LEF1: variants seen among roughly 807,000 people sequenced by gnomAD.
LEF1 encodes lymphoid enhancer binding factor 1, also known as lymphoid enhancer-binding factor 1.
A neutral mutation model predicts 51.2 loss-of-function variants in LEF1; 14 were observed. The ratio of observed to expected loss-of-function variants is 0.27; its 90% CI spans 0.18 to 0.43. The LOEUF is 0.43. Among genes scored for constraint, LEF1 ranks in the 20% least tolerant of loss-of-function variants. The pLI is 1.00. For missense variants in LEF1, 386 were observed against 512.0 expected (o/e 0.75, Z 2.37); for synonymous variants, 185 against 183.2 (o/e 1.01, Z -0.08).
chr4:108,134,070 C>T lies in LEF1; in HGVS notation c.414+29498G>A, dbSNP rs759978988. ...CCATCATCAAACACATTTGTATTTTCGCAGTGAAGCATATAAATATTCACA... is the reference window on the plus strand; with the variant it reads ...CCATCATCAAACACATTTGTATTTTTGCAGTGAAGCATATAAATATTCACA... On this transcript the variant is annotated intron_variant, in intron 3 of 11. Transcript: ENST00000265165. Among the ~76,000 whole-genome samples, 11 of 151,798 alleles carry T rather than the reference C, an allele frequency of 7.2e-5. No individual in the cohort carries two copies. The South Asian group carries it at 1.0e-3, about 14-fold the overall frequency.
intron 8 of LEF1, among the ~76,000 whole-genome samples, chr4:108,074,895 G>A (rs1738743513): frequency 6.6e-6 from 1 of 152,210 alleles, no homozygotes; most frequent in Non-Finnish European, 1.5e-5. Flanking sequence ...GTATTCAGCA[G>A]GAAAGTAATT....
intron 3 of LEF1, among the ~76,000 whole-genome samples, chr4:108,138,506 TACACAC>T (rs79489271): frequency 1.3e-5 from 2 of 150,276 alleles, no homozygotes; most frequent in African/African-American, 2.4e-5. Flanking sequence ...TGTGTGTGTA[TACACAC>T]ACACACACAC....
At chr4:108,114,680 C>A (rs1741727572) in intron 3 of LEF1, among the ~76,000 whole-genome samples, 1 of 152,168 alleles carries the variant, frequency 6.6e-6, no homozygotes, top group African/African-American at 2.4e-5. Flanking sequence ...CACGAAAATA[C>A]TGTGAGCAGC....
intron 9 of LEF1, 81 bp downstream of exon 9, chr4:108,070,581 CA>C: frequency 1.1e-6 from 1 of 881,126 alleles, no homozygotes; most frequent in South Asian, 1.5e-5. Context: ...GCATTATATA[CA>C]CCTAAAACAC....
At chr4:108,145,440 G>A (rs1743940110) in intron 3 of LEF1, among the ~76,000 whole-genome samples, 1 of 152,044 alleles carries the variant, frequency 6.6e-6, no homozygotes. Flanking sequence ...ATATAGTTCA[G>A]GTATATAATT....
At chr4:108,149,081 T>C (rs531900596) in intron 3 of LEF1, among the ~76,000 whole-genome samples, 5 of 152,328 alleles carry the variant, frequency 3.3e-5, no homozygotes, top group African/African-American at 1.2e-4. Flanking sequence ...CATTATTTCA[T>C]GAATAGTTTG....
chr4:108,059,852 C>T (rs946923275), intron 11 of LEF1, among the ~76,000 whole-genome samples: 27 of 152,024 alleles, frequency 1.8e-4, no homozygotes, highest in African/African-American at 6.0e-4. Context: ...CACCACCGCA[C>T]GCAGCTAATT....
chr4:108,093,252 C>T (rs1740168830), intron 3 of LEF1, among the ~76,000 whole-genome samples: 1 of 152,144 alleles, frequency 6.6e-6, no homozygotes, highest in Non-Finnish European at 1.5e-5. Context: ...ACCCCCTGGG[C>T]TGCCCAATAC....
At chr4:108,131,672 G>A (rs1352940957) in intron 3 of LEF1, among the ~76,000 whole-genome samples, 2 of 152,116 alleles carry the variant, frequency 1.3e-5, no homozygotes, top group African/African-American at 4.8e-5. Flanking sequence ...GCACAATTAT[G>A]GCTTCTATGA....
At chr4:108,057,262 C>T (rs1737366920) in intron 11 of LEF1, among the ~76,000 whole-genome samples, 1 of 152,104 alleles carries the variant, frequency 6.6e-6, no homozygotes. Context: ...TTGGACAAGA[C>T]TTAAGAGTTC....
chr4:108,149,273 C>T (rs972071959), intron 3 of LEF1, among the ~76,000 whole-genome samples: 14 of 150,314 alleles, frequency 9.3e-5, no homozygotes, highest in African/African-American at 2.4e-4. Context: ...TCCTGGCTAA[C>T]GCGGTGAAAC....
chr4:108,069,652 A>C (rs903412975), intron 9 of LEF1, among the ~76,000 whole-genome samples: 6 of 152,186 alleles, frequency 3.9e-5, no homozygotes, highest in Admixed American at 3.9e-4. Context: ...GCAATGTGAC[A>C]ATATGTATGA....
Position 108,167,670 on chromosome 4 carries a change from T to G in LEF1, c.98A>C (p.Gln33Pro). 1 of 1,614,188 alleles carries G rather than the reference T, an allele frequency of 6.2e-7. No homozygotes were observed. Among genetic ancestry groups the G allele is most frequent in the Non-Finnish European group, 8.5e-7 (1 of 1,180,020 alleles). Residue 33 changes from glutamine (Q) to proline (P), a missense_variant, in exon 1 of 12, where the codon CAG (glutamine) becomes CCG (proline). By Grantham distance (76) the Gln-to-Pro change is moderately conservative. Around this residue, in one of 2 missense-constraint regions of LEF1, gnomAD observed 335 missense variants for 390.7 expected, o/e 0.86. Coordinates refer to ENST00000265165, the MANE Select transcript of LEF1 (RefSeq NM_016269.5). This position sits in a 1 kb window ranked among gnomAD's most constrained non-coding sequence, Gnocchi z 5.7. Reference protein sequence around the residue: ...MIPFKDEGDPQKEKIFAEISH... With the variant: ...MIPFKDEGDPPKEKIFAEISH... The stretch of plus-strand genomic sequence containing the variant: ...GATCTCGGCGAAGATCTTTTCCTTC[T>G]GAGGATCGCCCTCGTCCTTGAAGGG...
At chr4:108,134,166 C>CAAAA (rs11369216) in intron 3 of LEF1, among the ~76,000 whole-genome samples, 1 of 146,902 alleles carries the variant, frequency 6.8e-6, no homozygotes, top group Non-Finnish European at 1.5e-5. Flanking sequence ...CCAAATTTAC[C>CAAAA]AAAAAAAAAA....
At chr4:108,157,164 CTCTCTATA>C (rs1316280027) in intron 3 of LEF1, among the ~76,000 whole-genome samples, 1 of 78,798 alleles carries the variant, frequency 1.3e-5, no homozygotes, top group Admixed American at 1.8e-4. Context: ...CTCTCTCTCT[CTCTCTATA>C]TATATATACA....
At chr4:108,131,544 G>A (rs1742897176) in intron 3 of LEF1, among the ~76,000 whole-genome samples, 1 of 152,038 alleles carries the variant, frequency 6.6e-6, no homozygotes, top group South Asian at 2.1e-4. Context: ...CTAAACTCAA[G>A]CAACAGCATC....
chr4:108,052,214 G>A lies in LEF1; in HGVS notation c.*7-3463C>T, dbSNP rs146614051. Among the ~76,000 whole-genome samples the A allele has an allele frequency of 4.1e-3, 617 of 152,312 alleles. 3 individuals are homozygous for A. The highest frequency in any genetic ancestry group is 0.014 in the African/African-American group (580 of 41,580). On this transcript the variant is annotated intron_variant, in intron 11 of 11. Coordinates refer to ENST00000265165, the MANE Select transcript of LEF1 (RefSeq NM_016269.5). Reference sequence around the variant, plus strand: ...AGCTGTCCAGGCCAAGGCAAGGGCAGCAAAGCTGGTGTCCAGGAACAAAAT... The same window carrying A: ...AGCTGTCCAGGCCAAGGCAAGGGCAACAAAGCTGGTGTCCAGGAACAAAAT...
chr4:108,105,888 A>G (rs558349486), intron 3 of LEF1, among the ~76,000 whole-genome samples: 42 of 152,352 alleles, frequency 2.8e-4, no homozygotes, highest in African/African-American at 1.0e-3. Context: ...AAAGCAGTTT[A>G]TTAATGTAGA....
intron 4 of LEF1, among the ~76,000 whole-genome samples, chr4:108,085,281 G>A (rs1578323755): frequency 6.6e-6 from 1 of 152,236 alleles, no homozygotes; most frequent in African/African-American, 2.4e-5. Context: ...ACAGGGCTTC[G>A]CCATGTTGGC....
Sources: allele counts gnomAD v4.1 joint callset (sites outside exome capture counted in the v4.1 genomes callset), GRCh38; gene constraint gnomAD v4.1.1; regional missense constraint gnomAD v4.1.1; non-coding constraint Gnocchi (gnomAD v3.1); transcripts MANE v1.5; gene names NCBI Gene and HGNC (gene_info 2026-07-23, HGNC 2026-07-21).